The following HNRNPR variants were observed in gnomAD, a reference collection of about 807,000 sequenced individuals.
HNRNPR encodes the protein heterogeneous nuclear ribonucleoprotein R.
In HNRNPR, 4 loss-of-function variants were observed where a neutral mutation model predicts 70.3. That is an observed-to-expected ratio of 0.06 (90% CI 0.03 to 0.13). The LOEUF (loss-of-function observed/expected upper bound fraction) is 0.13, where lower values mean the gene tolerates loss of function less well. Among genes scored for constraint, HNRNPR ranks in the 10% least tolerant of loss-of-function variants. The probability of loss-of-function intolerance (pLI) is 1.00; values close to 1 mark genes in which losing one functional copy is unlikely to be tolerated. For missense variants in HNRNPR, 423 were observed against 788.5 expected (o/e 0.54, Z 5.55); for synonymous variants, 241 against 267.6 (o/e 0.90, Z 0.97).
At chr1:23,333,217 T>C (rs1234030113) in intron 5 of HNRNPR, among the ~76,000 whole-genome samples, 1 of 151,926 alleles carries the variant, frequency 6.6e-6, no homozygotes, top group African/African-American at 2.4e-5. Flanking sequence ...AATAAAGCAA[T>C]TGCGTCTTCC....
intron 5 of HNRNPR, among the ~76,000 whole-genome samples, chr1:23,331,299 C>T (rs1472251249): frequency 6.6e-6 from 1 of 151,042 alleles, no homozygotes; most frequent in African/African-American, 2.4e-5. Context: ...TGGTGACTCA[C>T]GCCTGTAATC....
Position 23,310,643 on chromosome 1 carries a change from G to GCCTCCTACATTGCCC in HNRNPR, c.1698_1712dup (p.Gly567_Gly571dup). ...GGTTGTACCCATCTGCCTTTCTCTT[G>GCCTCCTACATTGCCC]CCTCCTACATTGCCCCCACGATTGC... On this transcript the variant is annotated inframe_insertion, in exon 11 of 11. Transcript: ENST00000302271. The surrounding 1 kb of genome is among the most constrained non-coding windows in gnomAD (Gnocchi z 6.0). The GCCTCCTACATTGCCC allele has an allele frequency of 6.2e-7, 1 of 1,613,806 alleles. No individual in the cohort carries two copies.
intron 4 of HNRNPR, among the ~76,000 whole-genome samples, chr1:23,334,761 T>C (rs1646394763): frequency 6.6e-6 from 1 of 152,224 alleles, no homozygotes; most frequent in South Asian, 2.1e-4. Flanking sequence ...CTATTAGGTA[T>C]TAAGAGCAAT....
intron 5 of HNRNPR, among the ~76,000 whole-genome samples, chr1:23,328,470 T>C (rs1341903288): frequency 1.3e-5 from 2 of 152,186 alleles, no homozygotes; most frequent in African/African-American, 4.8e-5. Context: ...ACATTTTAGT[T>C]ACCTTGAGCA....
At chr1:23,338,067 T>C in intron 3 of HNRNPR, 1 of 459,056 alleles carries the variant, frequency 2.2e-6, no homozygotes, top group South Asian at 3.7e-5. Flanking sequence ...GCTTACCTTC[T>C]ACCCTGGGAA....
intron 5 of HNRNPR, among the ~76,000 whole-genome samples, chr1:23,325,053 T>A (rs1226136861): frequency 6.6e-6 from 1 of 151,516 alleles, no homozygotes; most frequent in African/African-American, 2.4e-5. Flanking sequence ...GGCAGGAGAA[T>A]GGCATGAACC....
intron 2 of HNRNPR, among the ~76,000 whole-genome samples, chr1:23,339,100 C>A (rs1002547232): frequency 1.3e-5 from 2 of 152,198 alleles, no homozygotes; most frequent in African/African-American, 2.4e-5. Flanking sequence ...TCTTTCCACT[C>A]TCCAAAAAGT....
At chr1:23,322,877 C>T (rs1645812942) in intron 6 of HNRNPR, among the ~76,000 whole-genome samples, 1 of 152,118 alleles carries the variant, frequency 6.6e-6, no homozygotes, top group Admixed American at 6.6e-5. Flanking sequence ...TTAAATACAG[C>T]AGGAGTGAAG....
chr1:23,331,942 G>C (rs777773336), intron 5 of HNRNPR, among the ~76,000 whole-genome samples: 3 of 146,654 alleles, frequency 2.0e-5, no homozygotes, highest in African/African-American at 7.4e-5. Context: ...GACCCGCCTG[G>C]CCAACTTGGC....
intron 4 of HNRNPR, among the ~76,000 whole-genome samples, chr1:23,337,396 C>T (rs565726459): frequency 1.3e-5 from 2 of 152,262 alleles, no homozygotes; most frequent in African/African-American, 4.8e-5. Context: ...TGGTGGCTCA[C>T]GTCTGTAATC....
chr1:23,321,338 C>T (rs902237215), intron 7 of HNRNPR, among the ~76,000 whole-genome samples, 190 bp downstream of exon 7: 1 of 151,998 alleles, frequency 6.6e-6, no homozygotes, highest in Non-Finnish European at 1.5e-5. Flanking sequence ...GTGAAGGGGA[C>T]ATTCCAAGAA....
At chr1:23,323,109 C>T (rs971828216) in intron 6 of HNRNPR, among the ~76,000 whole-genome samples, 2 of 152,160 alleles carry the variant, frequency 1.3e-5, no homozygotes, top group African/African-American at 4.8e-5. Context: ...TAGGCTGTAA[C>T]CAAAATAAAA....
intron 1 of HNRNPR, among the ~76,000 whole-genome samples, chr1:23,342,530 G>T (rs1335520377): frequency 1.3e-5 from 2 of 152,164 alleles, no homozygotes; most frequent in Non-Finnish European, 2.9e-5. Flanking sequence ...CATTCGAAAT[G>T]TCACACTTTT....
At chr1:23,339,621 A>G (rs1474408170) in intron 2 of HNRNPR, among the ~76,000 whole-genome samples, 1 of 152,212 alleles carries the variant, frequency 6.6e-6, no homozygotes, top group East Asian at 1.9e-4. Flanking sequence ...ATAAAGCTAA[A>G]AAGAACTTTA....
intron 5 of HNRNPR, among the ~76,000 whole-genome samples, chr1:23,324,258 A>G (rs1645871969): frequency 2.0e-5 from 3 of 152,168 alleles, no homozygotes; most frequent in Admixed American, 2.0e-4. Flanking sequence ...CCTCAACTCT[A>G]AAATCTTTAC....
Position 23,318,578 on chromosome 1 carries a change from G to A in HNRNPR, c.922C>T (p.Arg308Trp). The A allele has an allele frequency of 6.2e-7, 1 of 1,614,100 alleles. No homozygotes were observed. Among genetic ancestry groups the A allele is most frequent in the Non-Finnish European group, 8.5e-7 (1 of 1,180,016 alleles). ...ACTTTTACTTTTCCACTCATCAGCC[G>A]GCGTCTGGCTTGTGCTGCTGACTTG... The part of the protein sequence containing the change: ...DHKSAAQARR[R>W]LMSGKVKVWG... The change falls in exon 8 of 11, where the codon CGG becomes TGG. Residue 308 changes from arginine to tryptophan, a missense_variant. Around this residue, in one of 7 missense-constraint regions of HNRNPR, gnomAD observed 46 missense variants for 164.6 expected, o/e 0.28. Coordinates refer to ENST00000302271, the MANE Select transcript of HNRNPR (RefSeq NM_005826.5). The surrounding 1 kb of genome is among the most constrained non-coding windows in gnomAD (Gnocchi z 4.2).
At position 23,310,960 on chromosome 1, in the gene HNRNPR, C is replaced by T. The variant is rs528995006; in HGVS notation, c.1396G>A (p.Gly466Ser). 2.1e-5 allele frequency: 34 copies of T among 1,614,080 alleles called. No individual in the cohort carries two copies. The South Asian group carries it at 2.5e-4, about 12-fold the overall frequency. Residue 466 changes from glycine (G) to serine (S), a missense_variant, in exon 11 of 11, where the codon GGC (glycine) becomes AGC (serine). Physicochemically the swap from Gly to Ser is moderately conservative, Grantham distance 56 (BLOSUM62 0). This residue lies in a region of HNRNPR where 169 missense variants were observed against 195.6 expected (regional missense o/e 0.86). Transcript: ENST00000302271. This position sits in a 1 kb window ranked among gnomAD's most constrained non-coding sequence, Gnocchi z 6.0. ...TAATCATCATAGTAATCTTCATAGC[C>T]GTAGTAATCTGGAGGGTAGCCATAT... ...GGYGYPPDYY[G>S]YEDYYDDYYG...
chr1:23,314,374 T>C (rs1239936926), intron 8 of HNRNPR, among the ~76,000 whole-genome samples: 1 of 152,116 alleles, frequency 6.6e-6, no homozygotes, highest in Non-Finnish European at 1.5e-5. Context: ...ACTCAACTAC[T>C]AAAAATAAAT....
At chr1:23,338,742 T>C (rs1281260304) in intron 2 of HNRNPR, 134 bp from the exon 3 acceptor site, 2 of 468,266 alleles carry the variant, frequency 4.3e-6, no homozygotes, top group Non-Finnish European at 7.7e-6. Flanking sequence ...TATATGCATA[T>C]ACGCAGCTAT....
Sources: gnomAD v4.1 joint callset for allele counts (sites outside exome capture counted in the v4.1 genomes callset) on GRCh38, gnomAD v4.1.1 for gene constraint, gnomAD v4.1.1 regional missense constraint, Gnocchi (gnomAD v3.1) non-coding constraint, MANE v1.5 for transcripts, NCBI Gene and HGNC (gene_info 2026-07-23, HGNC 2026-07-21) for gene names.